BCAS3: variants seen among roughly 807,000 people sequenced by gnomAD.
BCAS3 encodes BCAS3 microtubule associated cell migration factor, also known as BCAS4/BCAS3 fusion.
A neutral mutation model predicts 116.1 loss-of-function variants in BCAS3; 53 were observed. The ratio of observed to expected loss-of-function variants is 0.46; its 90% CI spans 0.37 to 0.57. BCAS3 has a LOEUF of 0.57. Ranked by LOEUF, BCAS3 falls within the 20% of genes least tolerant of loss-of-function variation. The probability of loss-of-function intolerance (pLI) is 0.00; values close to 1 mark genes in which losing one functional copy is unlikely to be tolerated. For synonymous variants in BCAS3, 391 were observed against 408.2 expected, an observed-to-expected ratio of 0.96 and a Z score of 0.51; for missense variants, 917 against 1,165.4, an observed-to-expected ratio of 0.79 and a Z score of 3.10.
chr17:61,000,232 C>T (rs2145474545), intron 15 of BCAS3, among the ~76,000 whole-genome samples: 1 of 152,178 alleles, frequency 6.6e-6, no homozygotes, highest in East Asian at 1.9e-4. Context: ...GGAATACTTC[C>T]AGCTTCTGCC....
chr17:60,908,473 C>G (rs1306766439), intron 11 of BCAS3, among the ~76,000 whole-genome samples: 1 of 152,160 alleles, frequency 6.6e-6, no homozygotes, highest in Non-Finnish European at 1.5e-5. Context: ...GGAGCATCTC[C>G]ATTAGCATTA....
intron 5 of BCAS3, among the ~76,000 whole-genome samples, chr17:60,746,170 A>C (rs1355983380): frequency 2.0e-5 from 3 of 152,044 alleles, no homozygotes; most frequent in African/African-American, 7.2e-5. Flanking sequence ...ATTTTCTCTG[A>C]TAGTGCATAT....
chr17:60,953,943 A>T (rs1172379559), intron 14 of BCAS3, among the ~76,000 whole-genome samples: 1 of 152,094 alleles, frequency 6.6e-6, no homozygotes, highest in Non-Finnish European at 1.5e-5. Context: ...TATATTGGCC[A>T]GGCTGGTCTC....
intron 22 of BCAS3, among the ~76,000 whole-genome samples, chr17:61,096,695 C>T (rs1329673887): frequency 1.3e-5 from 2 of 152,154 alleles, no homozygotes; most frequent in Non-Finnish European, 2.9e-5. Context: ...TAATCTTTAT[C>T]TTTCTCCCAT....
intron 11 of BCAS3, among the ~76,000 whole-genome samples, chr17:60,908,429 A>G (rs1176443357): frequency 6.6e-6 from 1 of 152,208 alleles, no homozygotes; most frequent in Non-Finnish European, 1.5e-5. Flanking sequence ...ACTAAAAGGC[A>G]TTCCTTTGAT....
At chr17:60,867,344 G>T (rs979551287) in intron 7 of BCAS3, among the ~76,000 whole-genome samples, 1 of 151,930 alleles carries the variant, frequency 6.6e-6, no homozygotes, top group Non-Finnish European at 1.5e-5. Flanking sequence ...GACCTCAAGT[G>T]ATCTGCCTGT....
intron 22 of BCAS3, among the ~76,000 whole-genome samples, chr17:61,107,082 C>CTTTTTTTTT (rs755754824): frequency 3.8e-5 from 4 of 106,370 alleles, no homozygotes; most frequent in Non-Finnish European, 6.9e-5. Context: ...ACTAGGCTTA[C>CTTTTTTTTT]TTTTTTTTTT....
rs74442904 is a variant in BCAS3 at position 61,282,301 on chromosome 17, T to C, written c.2426-86026T>C. Among the ~76,000 whole-genome samples the C allele has an allele frequency of 4.6e-3, 695 of 152,348 alleles. 1 individual carries two copies. The highest frequency in any genetic ancestry group is 0.013 in the African/African-American group (548 of 41,590). On this transcript the variant is annotated intron_variant, in intron 22 of 23. Transcript: ENST00000407086. This position sits in a 1 kb window ranked among gnomAD's most constrained non-coding sequence, Gnocchi z 5.9. ...TCTTTATTGCTTCTTTGGGAATACCTTACCGATGAGAAGGCTTTCCTGAGC... is the reference window on the plus strand; with the variant it reads ...TCTTTATTGCTTCTTTGGGAATACCCTACCGATGAGAAGGCTTTCCTGAGC...
Position 60,993,335 on chromosome 17 carries a change from T to C in BCAS3, c.1486+3100T>C. On this transcript the variant is annotated intron_variant, in intron 15 of 23. Transcript: ENST00000407086. The surrounding 1 kb of genome is among the most constrained non-coding windows in gnomAD (Gnocchi z 4.2). ...TTCCAAGTCAAAATATATTGTTTTC[T>C]CTCAGCTTTATTGCTTTCATGTCTC... Among the ~76,000 whole-genome samples, 1 of 152,210 alleles carries C rather than the reference T, an allele frequency of 6.6e-6. No homozygotes were observed. The highest frequency in any genetic ancestry group is 1.9e-4 in the East Asian group (1 of 5,196).
chr17:60,944,237 A>G (rs1467117928), intron 13 of BCAS3, among the ~76,000 whole-genome samples: 2 of 152,032 alleles, frequency 1.3e-5, no homozygotes, highest in Non-Finnish European at 2.9e-5. Context: ...AAAAAAACAG[A>G]GAAGACACAG....
At chr17:60,845,645 G>T (rs748051654) in intron 7 of BCAS3, among the ~76,000 whole-genome samples, 29 of 152,206 alleles carry the variant, frequency 1.9e-4, no homozygotes, top group Non-Finnish European at 3.7e-4. Context: ...TTGGCTTAAA[G>T]AAGATCACAA....
intron 18 of BCAS3, among the ~76,000 whole-genome samples, chr17:61,038,781 GC>G (rs754544367): frequency 6.7e-6 from 1 of 148,152 alleles, no homozygotes; most frequent in Non-Finnish European, 1.5e-5. Flanking sequence ...CGGTTCTCCT[GC>G]CTCAGCCTCC....
At chr17:61,195,358 C>T (rs937634414) in intron 22 of BCAS3, among the ~76,000 whole-genome samples, 1 of 151,990 alleles carries the variant, frequency 6.6e-6, no homozygotes, top group East Asian at 1.9e-4. Flanking sequence ...CCGTACTCTC[C>T]CTATTTCCTT....
intron 22 of BCAS3, among the ~76,000 whole-genome samples, chr17:61,341,334 G>C (rs1224986962): frequency 1.3e-5 from 2 of 152,210 alleles, no homozygotes; most frequent in Non-Finnish European, 2.9e-5. Flanking sequence ...CACAGGAGAG[G>C]ACTCCGGGGC....
chr17:61,271,124 CTTTT>C (rs1198682844), intron 22 of BCAS3, among the ~76,000 whole-genome samples: 5 of 107,082 alleles, frequency 4.7e-5, no homozygotes, highest in African/African-American at 1.1e-4. Flanking sequence ...AACTTTTATT[CTTTT>C]TTTTTTTTTT....
Position 61,244,659 on chromosome 17 carries a change from C to T in BCAS3, c.2426-123668C>T, listed in dbSNP as rs553154239. On this transcript the variant is annotated intron_variant, in intron 22 of 23. Coordinates refer to ENST00000407086, the MANE Select transcript of BCAS3 (RefSeq NM_017679.5). The surrounding 1 kb of genome is among the most constrained non-coding windows in gnomAD (Gnocchi z 4.9). ...CGGGCGGATCACGAGGTCAGGAGATCGAGACCATCCTGGCTAACACGGTGA... is the reference window on the plus strand; with the variant it reads ...CGGGCGGATCACGAGGTCAGGAGATTGAGACCATCCTGGCTAACACGGTGA... Among the ~76,000 whole-genome samples, 1,143 of 152,106 alleles carry T rather than the reference C, an allele frequency of 7.5e-3. 9 individuals are homozygous for T. Among genetic ancestry groups the T allele is most frequent in the Non-Finnish European group, 0.011 (763 of 67,988 alleles).
At chr17:61,074,033 C>T (rs1174069113) in intron 19 of BCAS3, among the ~76,000 whole-genome samples, 2 of 146,496 alleles carry the variant, frequency 1.4e-5, no homozygotes, top group East Asian at 2.0e-4. Context: ...GGTTTGAGCC[C>T]AGAAGTTTGA....
chr17:61,374,306 G>A (rs1423406668), intron 23 of BCAS3, among the ~76,000 whole-genome samples: 2 of 151,306 alleles, frequency 1.3e-5, no homozygotes, highest in Non-Finnish European at 2.9e-5. Flanking sequence ...AAGTGGCTAG[G>A]ACTACAGGCA....
At chr17:61,342,874 G>T (rs1049381326) in intron 22 of BCAS3, among the ~76,000 whole-genome samples, 2 of 151,454 alleles carry the variant, frequency 1.3e-5, no homozygotes, top group East Asian at 1.9e-4. Context: ...CTCAGCCTCC[G>T]AACTAGCTGG....
Sources: gnomAD v4.1 joint callset for allele counts (sites outside exome capture counted in the v4.1 genomes callset) on GRCh38, gnomAD v4.1.1 for gene constraint, Gnocchi (gnomAD v3.1) non-coding constraint, MANE v1.5 for transcripts, NCBI Gene and HGNC (gene_info 2026-07-23, HGNC 2026-07-21) for gene names.